Variants in HS3ST3A1 observed in about 807,000 individuals in gnomAD.
HS3ST3A1 encodes heparan sulfate glucosamine 3-O-sulfotransferase 3A1.
Under a neutral mutation model 25.7 loss-of-function variants are expected in HS3ST3A1, and 19 were observed. The observed-to-expected ratio is 0.74, with a 90% CI of 0.52 to 1.08. The LOEUF is 1.08. Ranked by LOEUF, HS3ST3A1 falls within the 50% of genes least tolerant of loss-of-function variation. The pLI is 0.00. For synonymous variants in HS3ST3A1, 226 were observed against 278.6 expected (o/e 0.81, Z 1.88); for missense variants, 459 against 594.3 (o/e 0.77, Z 2.37).
rs186672437 is a variant in HS3ST3A1 at position 13,518,122 on chromosome 17, G to A, written c.600-21304C>T. Among the ~76,000 whole-genome samples, 212 of 152,254 alleles carry A rather than the reference G, an allele frequency of 1.4e-3. 1 individual carries two copies. Among genetic ancestry groups the A allele is most frequent in the African/African-American group, 4.7e-3 (196 of 41,538 alleles). On this transcript the variant is annotated intron_variant, in intron 1 of 1. Coordinates refer to ENST00000284110, the MANE Select transcript of HS3ST3A1 (RefSeq NM_006042.3). ...TCTTACTGGAGGGTGAGGTAGGAAG[G>A]ATCCTACAGTCTGACTTGTACAAAT...
intron 1 of HS3ST3A1, among the ~76,000 whole-genome samples, chr17:13,568,522 T>C (rs1432872106): frequency 1.3e-5 from 2 of 152,212 alleles, no homozygotes; most frequent in East Asian, 3.8e-4. Flanking sequence ...TATTTGGCTC[T>C]TTGTCAAATA....
chr17:13,506,386 G>A (rs368192255), intron 1 of HS3ST3A1, among the ~76,000 whole-genome samples: 58 of 152,322 alleles, frequency 3.8e-4, no homozygotes, highest in Admixed American at 1.2e-3. Flanking sequence ...CATGTAGGCA[G>A]TGGGACTTTA....
chr17:13,531,623 TA>T (rs1272227692), intron 1 of HS3ST3A1, among the ~76,000 whole-genome samples: 1 of 149,924 alleles, frequency 6.7e-6, no homozygotes, highest in African/African-American at 2.4e-5. Flanking sequence ...CAAATCACCT[TA>T]AAAAGGAAGG....
At chr17:13,533,038 T>C (rs1469856996) in intron 1 of HS3ST3A1, among the ~76,000 whole-genome samples, 1 of 152,050 alleles carries the variant, frequency 6.6e-6, no homozygotes, top group Admixed American at 6.5e-5. Context: ...CATCATCTTA[T>C]CAAAAAAGGA....
intron 1 of HS3ST3A1, among the ~76,000 whole-genome samples, chr17:13,544,514 C>T (rs1907029256): frequency 6.6e-6 from 1 of 152,154 alleles, no homozygotes; most frequent in Admixed American, 6.5e-5. Flanking sequence ...TTCTTTCATT[C>T]ATCACTTTTC....
chr17:13,587,819 G>A (rs1423956471), intron 1 of HS3ST3A1, among the ~76,000 whole-genome samples: 1 of 151,944 alleles, frequency 6.6e-6, no homozygotes, highest in African/African-American at 2.4e-5. Context: ...TCACATTCTA[G>A]AAAATGTCAT....
At chr17:13,589,472 C>T (rs1188999604) in intron 1 of HS3ST3A1, among the ~76,000 whole-genome samples, 2 of 152,172 alleles carry the variant, frequency 1.3e-5, no homozygotes, top group African/African-American at 2.4e-5. Context: ...CTAGTAGACC[C>T]TCTGGCTTTG....
intron 1 of HS3ST3A1, among the ~76,000 whole-genome samples, chr17:13,537,180 A>G (rs1228543784): frequency 2.6e-5 from 4 of 152,236 alleles, no homozygotes; most frequent in Non-Finnish European, 4.4e-5. Flanking sequence ...GAGCTCTGCT[A>G]GGTAGAGGAT....
chr17:13,577,346 T>G (rs543733170), intron 1 of HS3ST3A1, among the ~76,000 whole-genome samples: 45 of 152,316 alleles, frequency 3.0e-4, no homozygotes, highest in Middle Eastern at 3.4e-3. Context: ...CTTGCTAGTC[T>G]CCAGTTCTCC....
At chr17:13,580,639 T>C (rs1253828957) in intron 1 of HS3ST3A1, among the ~76,000 whole-genome samples, 6 of 152,166 alleles carry the variant, frequency 3.9e-5, no homozygotes, top group African/African-American at 1.2e-4. Flanking sequence ...ACGCCTGTTA[T>C]ACTAACACTT....
intron 1 of HS3ST3A1, among the ~76,000 whole-genome samples, chr17:13,528,155 G>T (rs541755121): frequency 1.3e-5 from 2 of 152,154 alleles, no homozygotes; most frequent in African/African-American, 2.4e-5. Context: ...AGTAACGAAC[G>T]TCTCCATTCC....
At chr17:13,600,165 AAGG>A (rs552947713) in intron 1 of HS3ST3A1, among the ~76,000 whole-genome samples, 33 of 152,298 alleles carry the variant, frequency 2.2e-4, no homozygotes, top group African/African-American at 6.5e-4. Context: ...CTTCCTTGGG[AAGG>A]AGAAGGCAAT....
At chr17:13,563,903 C>T (rs1041138092) in intron 1 of HS3ST3A1, among the ~76,000 whole-genome samples, 2 of 152,042 alleles carry the variant, frequency 1.3e-5, no homozygotes, top group Admixed American at 6.6e-5. Context: ...CTATGAGCAC[C>T]GGTGCCAGGC....
chr17:13,600,636 G>T lies in HS3ST3A1; in HGVS notation c.494C>A (p.Thr165Lys), dbSNP rs374947064. 10 of 1,595,524 alleles carry T rather than the reference G, an allele frequency of 6.3e-6. No individual in the cohort carries two copies. The African/African-American group carries it at 1.3e-4, about 21-fold the overall frequency. ...GCGCAGGAACTCCAGCAGCGCCCGCGTGCCGCCCTTCTTCACTCCGATGAT... is the reference window on the plus strand; with the variant it reads ...GCGCAGGAACTCCAGCAGCGCCCGCTTGCCGCCCTTCTTCACTCCGATGAT... ...AIIIGVKKGG[T>K]RALLEFLRVH... Residue 165 changes from threonine (T) to lysine (K), a missense_variant, in exon 1 of 2, where the codon ACG becomes AAG. Coordinates refer to ENST00000284110, the MANE Select transcript of HS3ST3A1 (RefSeq NM_006042.3).
chr17:13,504,552 T>C (rs369539882), intron 1 of HS3ST3A1, among the ~76,000 whole-genome samples: 34 of 152,308 alleles, frequency 2.2e-4, no homozygotes, highest in African/African-American at 7.2e-4. Context: ...ACCCGGGTGC[T>C]GGCTACAGAA....
At chr17:13,549,033 G>A (rs1440695154) in intron 1 of HS3ST3A1, among the ~76,000 whole-genome samples, 1 of 152,198 alleles carries the variant, frequency 6.6e-6, no homozygotes, top group African/African-American at 2.4e-5. Context: ...CACTGTGGAA[G>A]CTTTGTTCTT....
intron 1 of HS3ST3A1, among the ~76,000 whole-genome samples, chr17:13,516,819 T>A (rs1906069111): frequency 6.6e-6 from 1 of 152,218 alleles, no homozygotes; most frequent in African/African-American, 2.4e-5. Context: ...CCCAAGTAGC[T>A]GGGATTACAG....
chr17:13,496,846 G>C (rs1466855064), intron 1 of HS3ST3A1, 28 bp from the exon 2 acceptor site: 1 of 1,600,024 alleles, frequency 6.2e-7, no homozygotes, highest in South Asian at 1.1e-5. Context: ...GCATGTCAGA[G>C]ATGTGCAGAG....
At chr17:13,502,937 T>C (rs1380395765) in intron 1 of HS3ST3A1, among the ~76,000 whole-genome samples, 1 of 150,512 alleles carries the variant, frequency 6.6e-6, no homozygotes, top group African/African-American at 2.4e-5. Context: ...TCCCAGCACT[T>C]TGGGAGGCCA....
Sources: gnomAD v4.1 joint callset for allele counts (sites outside exome capture counted in the v4.1 genomes callset) on GRCh38, gnomAD v4.1.1 for gene constraint, MANE v1.5 for transcripts, NCBI Gene and HGNC (gene_info 2026-07-23, HGNC 2026-07-21) for gene names.